ATP10A: variants seen among roughly 807,000 people sequenced by gnomAD.
ATP10A encodes phospholipid-transporting ATPase VA.
ATP10A carries 111 observed loss-of-function variants against 147.8 expected under a neutral mutation model. That is an observed-to-expected ratio of 0.75 (90% CI 0.64 to 0.88). The LOEUF is 0.88. Among genes scored for constraint, ATP10A ranks in the 40% least tolerant of loss-of-function variants. ATP10A has a pLI of 0.00. For synonymous variants in ATP10A, 875 were observed against 841.6 expected, an observed-to-expected ratio of 1.04 and a Z score of -0.69; for missense variants, 1,927 against 1,959.0, an observed-to-expected ratio of 0.98 and a Z score of 0.31.
intron 14 of ATP10A, among the ~76,000 whole-genome samples, chr15:25,694,045 A>C (rs747699065): frequency 1.6e-4 from 25 of 151,958 alleles, no homozygotes; most frequent in Non-Finnish European, 2.7e-4. Context: ...TGTGGGGGTC[A>C]CGGCCACTGC....
At chr15:25,723,045 T>G (rs1902338035) in intron 6 of ATP10A, among the ~76,000 whole-genome samples, 1 of 152,122 alleles carries the variant, frequency 6.6e-6, no homozygotes, top group Admixed American at 6.5e-5. Flanking sequence ...AAGGCTATAG[T>G]TTTGTTCAAA....
intron 2 of ATP10A, among the ~76,000 whole-genome samples, chr15:25,745,420 G>A (rs1347237595): frequency 6.6e-6 from 1 of 151,560 alleles, no homozygotes; most frequent in Non-Finnish European, 1.5e-5. Context: ...ATACTAAACA[G>A]TAGTGTTAAA....
At chr15:25,770,920 T>C (rs7176192) in intron 2 of ATP10A, among the ~76,000 whole-genome samples, 107,107 of 152,156 alleles carry the variant, frequency 0.7, 38,030 homozygotes, top group South Asian at 0.76. Context: ...AGCTCCCACC[T>C]GTCCTGTGGA....
chr15:25,835,266 A>AT (rs1299819118), intron 1 of ATP10A, among the ~76,000 whole-genome samples: 1 of 152,118 alleles, frequency 6.6e-6, no homozygotes, highest in African/African-American at 2.4e-5. Flanking sequence ...GTGAGACCTT[A>AT]TCTCTTAAAA....
chr15:25,770,270 G>A (rs575785682), intron 2 of ATP10A, among the ~76,000 whole-genome samples: 4 of 152,206 alleles, frequency 2.6e-5, no homozygotes, highest in South Asian at 2.1e-4. Context: ...GTTGGGGATC[G>A]GCCCAGCCCA....
chr15:25,836,088 C>T (rs532443641), intron 1 of ATP10A, among the ~76,000 whole-genome samples: 2 of 152,326 alleles, frequency 1.3e-5, no homozygotes, highest in South Asian at 2.1e-4. Flanking sequence ...GCTGGGATTA[C>T]AGGCATGAGC....
rs149746386 is a variant in ATP10A, at chr15:25,714,494, A to G, written c.1777-253T>C. On this transcript the variant is annotated intron_variant, in intron 9 of 20. Transcript: ENST00000555815. The stretch of plus-strand genomic sequence containing the variant: ...TTAAAGTATAATAATAATAATAAAA[A>G]AAGAAATTGCAAGCAGAGACAGTAC... 3.7e-3 allele frequency among the ~76,000 whole-genome samples: 567 copies of G among 152,222 alleles called. 3 individuals are homozygous for G. The highest frequency in any genetic ancestry group is 0.013 in the African/African-American group (546 of 41,528).
chr15:25,778,529 G>A (rs946415057), intron 2 of ATP10A, among the ~76,000 whole-genome samples: 9 of 150,260 alleles, frequency 6.0e-5, no homozygotes, highest in African/African-American at 1.5e-4. Context: ...GGGGGAAAAA[G>A]GTAATTGGGA....
chr15:25,836,706 G>A (rs984143611), intron 1 of ATP10A, among the ~76,000 whole-genome samples: 22 of 152,186 alleles, frequency 1.4e-4, no homozygotes, highest in African/African-American at 5.3e-4. Flanking sequence ...GAGCCATCCT[G>A]AATCCTTTGC....
chr15:25,831,112 C>T (rs1257487003), intron 1 of ATP10A, among the ~76,000 whole-genome samples: 1 of 152,244 alleles, frequency 6.6e-6, no homozygotes, highest in Non-Finnish European at 1.5e-5. Context: ...GCCCGCTCCT[C>T]AGCAGACAGG....
At chr15:25,765,492 G>C (rs978496439) in intron 2 of ATP10A, among the ~76,000 whole-genome samples, 2 of 152,096 alleles carry the variant, frequency 1.3e-5, no homozygotes, top group Non-Finnish European at 2.9e-5. Flanking sequence ...AATTCTGCCC[G>C]TGTAGAGCCT....
chr15:25,701,915 C>A lies in ATP10A; in HGVS notation c.2760+1G>T. On this transcript the variant is annotated splice_donor_variant, in intron 13 of 20. Coordinates refer to ENST00000555815, the MANE Select transcript of ATP10A (RefSeq NM_024490.4). LOFTEE classifies it high-confidence loss of function. ...AGCGGAGCCACTTGAAACCCACCTA[C>A]CTGGGAGGTGGCATTCAGGGTGATG... The A allele has an allele frequency of 6.3e-7, 1 of 1,596,324 alleles. No individual in the cohort carries two copies. Among genetic ancestry groups the A allele is most frequent in the Non-Finnish European group, 8.5e-7 (1 of 1,169,852 alleles).
intron 2 of ATP10A, among the ~76,000 whole-genome samples, chr15:25,750,703 ATATGATGAT>A (rs1888108054): frequency 1.9e-5 from 1 of 53,284 alleles, no homozygotes; most frequent in African/African-American, 9.6e-5. Flanking sequence ...CAACATATAT[ATATGATGAT>A]GATGATGATG....
At chr15:25,691,671 A>C (rs1294099484) in intron 15 of ATP10A, 44 bp downstream of exon 15, 6 of 1,598,474 alleles carry the variant, frequency 3.8e-6, no homozygotes, top group Non-Finnish European at 5.1e-6. Flanking sequence ...ACAAGAGGTC[A>C]GTAGGGCCAA....
At chr15:25,762,270 A>G (rs1171440070) in intron 2 of ATP10A, among the ~76,000 whole-genome samples, 1 of 152,188 alleles carries the variant, frequency 6.6e-6, no homozygotes, top group Admixed American at 6.5e-5. Context: ...TTTCCTTTAT[A>G]AATTACCCAG....
rs143578680 is a variant in ATP10A at position 25,807,784 on chromosome 15, A to G, written c.450-26561T>C. On this transcript the variant is annotated intron_variant, in intron 1 of 20. Coordinates refer to ENST00000555815, the MANE Select transcript of ATP10A (RefSeq NM_024490.4). ...ACCACCGCACTCCAGCCTGGGTGACAAGAGTGAAACTCCATCCCCCCGGCC... is the reference window on the plus strand; with the variant it reads ...ACCACCGCACTCCAGCCTGGGTGACGAGAGTGAAACTCCATCCCCCCGGCC... Among the ~76,000 whole-genome samples, 844 of 151,862 alleles carry G rather than the reference A, an allele frequency of 5.6e-3. 11 individuals carry two copies. The highest frequency in any genetic ancestry group is 0.02 in the African/African-American group (811 of 41,470).
At chr15:25,694,685 A>G (rs759091058) in intron 14 of ATP10A, 134 bp downstream of exon 14, 9 of 833,914 alleles carry the variant, frequency 1.1e-5, no homozygotes, top group Admixed American at 5.8e-5. Flanking sequence ...TGCCTGCTCT[A>G]TCACACTGGG....
intron 1 of ATP10A, among the ~76,000 whole-genome samples, chr15:25,797,931 C>G (rs1238874050): frequency 6.6e-6 from 1 of 152,146 alleles, no homozygotes; most frequent in Non-Finnish European, 1.5e-5. Context: ...GTGTGTTACC[C>G]AGAGAGCACA....
At chr15:25,795,491 A>G (rs1013508435) in intron 1 of ATP10A, among the ~76,000 whole-genome samples, 4 of 152,168 alleles carry the variant, frequency 2.6e-5, no homozygotes, top group African/African-American at 9.7e-5. Flanking sequence ...AACTGTTTTA[A>G]CATTTTTGGA....
Sources: allele counts gnomAD v4.1 joint callset (sites outside exome capture counted in the v4.1 genomes callset), GRCh38; gene constraint gnomAD v4.1.1; transcripts MANE v1.5; gene names NCBI Gene and HGNC (gene_info 2026-07-23, HGNC 2026-07-21).